Variants in CCDC73 observed in about 807,000 individuals in gnomAD.
CCDC73 encodes coiled-coil domain-containing protein 73.
In CCDC73, 95 loss-of-function variants were observed where a neutral mutation model predicts 116.5. The observed-to-expected ratio is 0.82, with a 90% CI of 0.69 to 0.97. CCDC73 has a LOEUF of 0.97. Among genes scored for constraint, CCDC73 ranks in the 50% least tolerant of loss-of-function variants. The pLI, the probability that CCDC73 is intolerant of heterozygous loss-of-function variation, is 0.00. For missense variants in CCDC73, 1,066 were observed against 1,206.8 expected (o/e 0.88, Z 1.73); for synonymous variants, 398 against 401.3 (o/e 0.99, Z 0.10).
chr11:32,686,976 GTT>G (rs1856207692), intron 6 of CCDC73, among the ~76,000 whole-genome samples: 1 of 152,096 alleles, frequency 6.6e-6, no homozygotes, highest in Non-Finnish European at 1.5e-5. Context: ...AAATGCAAAT[GTT>G]TTCCTATTAT....
intron 10 of CCDC73, 119 bp from the exon 11 acceptor site, chr11:32,654,156 T>A: frequency 1.2e-6 from 1 of 861,328 alleles, no homozygotes; most frequent in Non-Finnish European, 1.7e-6. Flanking sequence ...AGTACCCACA[T>A]TTGTTTTTTT....
At chr11:32,642,220 A>G (rs1049811573) in intron 12 of CCDC73, 138 bp from the exon 13 acceptor site, 16 of 1,018,942 alleles carry the variant, frequency 1.6e-5, no homozygotes. Flanking sequence ...TCTCAACAAT[A>G]ATTTTCATAA....
chr11:32,698,011 ATTTTTTTTTTTTTTT>A (rs869153507), intron 6 of CCDC73, among the ~76,000 whole-genome samples: 1 of 18,864 alleles, frequency 5.3e-5, no homozygotes, highest in African/African-American at 1.9e-4. Context: ...CTAACACTGA[ATTTTTTTTTTTTTTT>A]TTTTTTTTTT....
chr11:32,748,494 C>G (rs1850259961), intron 2 of CCDC73, among the ~76,000 whole-genome samples: 1 of 152,132 alleles, frequency 6.6e-6, no homozygotes, highest in Non-Finnish European at 1.5e-5. Flanking sequence ...CCATTCATAT[C>G]TTATTATACT....
intron 16 of CCDC73, 38 bp from the exon 17 acceptor site, chr11:32,611,303 T>C: frequency 6.3e-7 from 1 of 1,587,236 alleles, no homozygotes; most frequent in Non-Finnish European, 8.6e-7. Flanking sequence ...ACTGAATTTT[T>C]CTCTAGGTAC....
intron 12 of CCDC73, among the ~76,000 whole-genome samples, chr11:32,647,321 A>G (rs1317307952): frequency 6.6e-6 from 1 of 152,132 alleles, no homozygotes; most frequent in Non-Finnish European, 1.5e-5. Context: ...ACACACTTTT[A>G]AACAACCAGA....
intron 1 of CCDC73, among the ~76,000 whole-genome samples, chr11:32,785,032 G>T (rs767415177): frequency 6.6e-6 from 1 of 152,092 alleles, no homozygotes; most frequent in Non-Finnish European, 1.5e-5. Context: ...CAGGCGTGGT[G>T]GTGGGCGCCT....
At chr11:32,807,259 G>C in the CCDC73 span, among the ~76,000 whole-genome samples, 176 of 152,248 alleles carry the variant, frequency 1.2e-3, no homozygotes, top group African/African-American at 4.1e-3. Flanking sequence ...ACAATTTGCT[G>C]TTTACTCGTA....
chr11:32,719,471 CAA>C (rs905862076), intron 2 of CCDC73, among the ~76,000 whole-genome samples: 1 of 152,056 alleles, frequency 6.6e-6, no homozygotes, highest in African/African-American at 2.4e-5. Flanking sequence ...CAAATTAGTT[CAA>C]AGACACACTA....
chr11:32,768,125 T>C (rs1027450948), intron 1 of CCDC73, among the ~76,000 whole-genome samples: 1 of 152,210 alleles, frequency 6.6e-6, no homozygotes, highest in African/African-American at 2.4e-5. Context: ...ATATACACCA[T>C]GGAATACTAT....
chr11:32,731,252 G>C (rs1017756718), intron 2 of CCDC73, among the ~76,000 whole-genome samples: 1 of 151,922 alleles, frequency 6.6e-6, no homozygotes, highest in African/African-American at 2.4e-5. Flanking sequence ...GCTGAGGCTT[G>C]AGTAGGTAAA....
At chr11:32,635,142 T>C (rs1354775878) in intron 14 of CCDC73, among the ~76,000 whole-genome samples, 6 of 151,060 alleles carry the variant, frequency 4.0e-5, no homozygotes, top group Non-Finnish European at 7.4e-5. Flanking sequence ...ATGGAAGCTA[T>C]ACCATGTTCA....
chr11:32,812,390 G>A, the CCDC73 span, among the ~76,000 whole-genome samples: 1 of 152,174 alleles, frequency 6.6e-6, no homozygotes. Context: ...CATAGGCCGG[G>A]CGCAGTGGCT....
chr11:32,801,837 C>T, the CCDC73 span, among the ~76,000 whole-genome samples: 2 of 152,000 alleles, frequency 1.3e-5, no homozygotes, highest in East Asian at 3.9e-4. Flanking sequence ...GAGTCTGAAG[C>T]TTAAAGAAGG....
intron 2 of CCDC73, among the ~76,000 whole-genome samples, chr11:32,758,881 GCA>G (rs1282656537): frequency 1.3e-5 from 2 of 152,032 alleles, no homozygotes; most frequent in Non-Finnish European, 1.5e-5. Flanking sequence ...ACCATTTTTA[GCA>G]GAATTTCATC....
At chr11:32,808,365 G>A in the CCDC73 span, among the ~76,000 whole-genome samples, 8 of 152,310 alleles carry the variant, frequency 5.3e-5, no homozygotes, top group South Asian at 2.1e-4. Flanking sequence ...TGGGCTGGGC[G>A]CGGTGGCTCA....
chr11:32,694,595 TA>T lies in CCDC73; in HGVS notation c.390+4655del, dbSNP rs532267645. The stretch of plus-strand genomic sequence containing the variant: ...TGTACCTTAGAACTTAAAGTATAAT[TA>T]AAAAAACAATTAAAAATATACTTTC... On this transcript the variant is annotated intron_variant, in intron 6 of 17. Coordinates refer to ENST00000335185, the MANE Select transcript of CCDC73 (RefSeq NM_001008391.4). Among the ~76,000 whole-genome samples, 539 of 152,070 alleles carry T rather than the reference TA, an allele frequency of 3.5e-3. 6 individuals carry two copies. Among genetic ancestry groups the T allele is most frequent in the African/African-American group, 0.013 (520 of 41,482 alleles).
intron 6 of CCDC73, among the ~76,000 whole-genome samples, chr11:32,688,384 A>C (rs563103470): frequency 6.6e-6 from 1 of 152,352 alleles, no homozygotes; most frequent in African/African-American, 2.4e-5. Flanking sequence ...AGAGTGTCAA[A>C]GTTATAAAAT....
chr11:32,648,356 A>T (rs1381930071), intron 12 of CCDC73, among the ~76,000 whole-genome samples: 1 of 152,132 alleles, frequency 6.6e-6, no homozygotes, highest in Non-Finnish European at 1.5e-5. Flanking sequence ...AGTTTCAAAA[A>T]TATGTAATGT....
Sources: allele counts gnomAD v4.1 joint callset (sites outside exome capture counted in the v4.1 genomes callset), GRCh38; gene constraint gnomAD v4.1.1; transcripts MANE v1.5; gene names NCBI Gene and HGNC (gene_info 2026-07-23, HGNC 2026-07-21).